The following SLC17A6 variants were observed in gnomAD, a reference collection of about 807,000 sequenced individuals.
The protein encoded by SLC17A6 is vesicular glutamate transporter 2.
A neutral mutation model predicts 67.1 loss-of-function variants in SLC17A6; 35 were observed. The ratio of observed to expected loss-of-function variants is 0.52; its 90% confidence interval spans 0.40 to 0.69. The LOEUF (loss-of-function observed/expected upper bound fraction) is 0.69. SLC17A6 is among the 30% of genes least tolerant of loss of function. The probability of loss-of-function intolerance (pLI) is 0.00; values close to 1 mark genes in which losing one functional copy is unlikely to be tolerated. For missense variants in SLC17A6, 588 were observed against 723.9 expected, an observed-to-expected ratio of 0.81 and a Z score of 2.15; for synonymous variants, 285 against 252.3, an observed-to-expected ratio of 1.13 and a Z score of -1.23.
intron 1 of SLC17A6, among the ~76,000 whole-genome samples, chr11:22,339,930 T>C (rs1855795154): frequency 6.6e-6 from 1 of 152,012 alleles, no homozygotes; most frequent in Non-Finnish European, 1.5e-5. Flanking sequence ...CCGCATTGGC[T>C]GAATTTTTTT....
chr11:22,343,174 T>TTG, intron 2 of SLC17A6, 73 bp from the exon 3 acceptor site: 1 of 1,273,340 alleles, frequency 7.9e-7, no homozygotes. Flanking sequence ...TTTTGGCTTG[T>TTG]GAACCACTGA....
chr11:22,339,578 A>G (rs1855789077), intron 1 of SLC17A6, among the ~76,000 whole-genome samples: 1 of 152,214 alleles, frequency 6.6e-6, no homozygotes, highest in Non-Finnish European at 1.5e-5. Context: ...GCTTTTCTTA[A>G]TAATTAGAGC....
chr11:22,350,831 CTA>C (rs1016334793), intron 3 of SLC17A6, among the ~76,000 whole-genome samples: 1 of 152,100 alleles, frequency 6.6e-6, no homozygotes, highest in Non-Finnish European at 1.5e-5. Flanking sequence ...TCAATTTCAG[CTA>C]TATATATATG....
chr11:22,372,525 G>A (rs965273284), intron 8 of SLC17A6, among the ~76,000 whole-genome samples: 22 of 151,978 alleles, frequency 1.4e-4, no homozygotes, highest in African/African-American at 5.3e-4. Context: ...ATAGGGGCAA[G>A]CCAAATGAGA....
At chr11:22,363,445 CT>C (rs1367746918) in intron 6 of SLC17A6, among the ~76,000 whole-genome samples, 6 of 152,128 alleles carry the variant, frequency 3.9e-5, no homozygotes, top group Admixed American at 3.9e-4. Flanking sequence ...TACAGTCTTT[CT>C]TTCTAAGAGG....
chr11:22,364,745 G>A (rs1359469499), intron 6 of SLC17A6, among the ~76,000 whole-genome samples: 1 of 152,076 alleles, frequency 6.6e-6, no homozygotes, highest in Non-Finnish European at 1.5e-5. Context: ...CAACTGCTGG[G>A]AAATTAGAAT....
In SLC17A6 at chr11:22,338,468, C is replaced by A; in HGVS notation, c.-66C>A. 1 of 1,164,718 alleles carries A rather than the reference C, an allele frequency of 8.6e-7. No individual in the cohort carries two copies. Among genetic ancestry groups the A allele is most frequent in the Non-Finnish European group, 1.3e-6 (1 of 779,426 alleles). The allele number at this position is 1,164,718 out of a possible 1,614,324, so 72.1% of individuals were successfully genotyped here. On this transcript the variant is annotated 5_prime_UTR_variant, in exon 1 of 12. Coordinates refer to ENST00000263160, the MANE Select transcript of SLC17A6 (RefSeq NM_020346.3). ...CTTTAAGAGATTAAGACAATATGCGCAATCCTCGCCTTTCCTAGCAATCAC... is the reference window on the plus strand; with the variant it reads ...CTTTAAGAGATTAAGACAATATGCGAAATCCTCGCCTTTCCTAGCAATCAC...
chr11:22,340,831 G>A (rs1284728729), intron 1 of SLC17A6, among the ~76,000 whole-genome samples: 5 of 152,172 alleles, frequency 3.3e-5, no homozygotes, highest in Admixed American at 1.3e-4. Context: ...CGGGATGAAG[G>A]GGAAGGAGAG....
chr11:22,377,133 A>G (rs1856240400), intron 11 of SLC17A6, among the ~76,000 whole-genome samples: 1 of 152,234 alleles, frequency 6.6e-6, no homozygotes, highest in Non-Finnish European at 1.5e-5. Context: ...AAGTAAATCA[A>G]TGGAAAAAAA....
chr11:22,366,494 CATT>C (rs1564985102), intron 7 of SLC17A6, among the ~76,000 whole-genome samples: 1 of 151,916 alleles, frequency 6.6e-6, no homozygotes, highest in Non-Finnish European at 1.5e-5. Context: ...GATAAAATAT[CATT>C]ATCTTTCAGG....
At chr11:22,365,913 C>T (rs547450624) in intron 7 of SLC17A6, among the ~76,000 whole-genome samples, 46 of 152,098 alleles carry the variant, frequency 3.0e-4, no homozygotes, top group African/African-American at 1.1e-3. Flanking sequence ...TAAAAATGTA[C>T]ACTGGGTGAT....
At chr11:22,359,746 T>C (rs1355676332) in intron 4 of SLC17A6, among the ~76,000 whole-genome samples, 1 of 152,148 alleles carries the variant, frequency 6.6e-6, no homozygotes, top group East Asian at 1.9e-4. Flanking sequence ...CTCTCTAGAA[T>C]TGAGTGGGAT....
intron 4 of SLC17A6, among the ~76,000 whole-genome samples, chr11:22,360,403 A>G (rs550074091): frequency 6.6e-6 from 1 of 151,962 alleles, no homozygotes; most frequent in South Asian, 2.1e-4. Flanking sequence ...ATGGGTTGAT[A>G]GGTCCAGTAA....
chr11:22,366,357 T>C (rs796989045), intron 7 of SLC17A6, among the ~76,000 whole-genome samples: 11 of 152,278 alleles, frequency 7.2e-5, no homozygotes, highest in African/African-American at 2.6e-4. Context: ...AGGACTACTA[T>C]ATTCTAAATG....
At position 22,370,158 on chromosome 11, in the gene SLC17A6, T is replaced by G. The variant is rs1292196110; in HGVS notation, c.1011T>G (p.Phe337Leu). The change falls in exon 8 of 12, where the codon TTT becomes TTG. Residue 337 changes from phenylalanine (F) to leucine (L), a missense_variant. Physicochemically the swap from Phe to Leu is conservative, Grantham distance 22 (BLOSUM62 0). Transcript: ENST00000263160. ...TGCTTATTAGTCAGCCAGCATATTT[T>G]GAGGAAGTCTTTGGATTTGAAATTA... ...YLLLISQPAY[F>L]EEVFGFEISK... 1 of 1,609,088 alleles carries G rather than the reference T, an allele frequency of 6.2e-7. No individual in the cohort carries two copies. The highest frequency in any genetic ancestry group is 8.5e-7 in the Non-Finnish European group (1 of 1,178,340).
At chr11:22,344,370 C>T (rs1353058745) in intron 3 of SLC17A6, among the ~76,000 whole-genome samples, 3 of 152,192 alleles carry the variant, frequency 2.0e-5, no homozygotes, top group Non-Finnish European at 2.9e-5. Context: ...GTAACCTGGG[C>T]ACACCTCATC....
intron 3 of SLC17A6, among the ~76,000 whole-genome samples, chr11:22,354,243 G>C (rs543143432): frequency 1.6e-4 from 24 of 151,948 alleles, no homozygotes; most frequent in African/African-American, 5.3e-4. Context: ...ACCGCCACAC[G>C]CAGCTAATTT....
intron 3 of SLC17A6, among the ~76,000 whole-genome samples, chr11:22,344,932 G>A (rs552897286): frequency 6.6e-6 from 1 of 151,700 alleles, no homozygotes; most frequent in African/African-American, 2.4e-5. Flanking sequence ...AAAGTTTTCA[G>A]AAAGATACCC....
At chr11:22,373,596 A>T (rs1034551816) in intron 8 of SLC17A6, among the ~76,000 whole-genome samples, 1 of 152,060 alleles carries the variant, frequency 6.6e-6, no homozygotes, top group Non-Finnish European at 1.5e-5. Context: ...TTTCCTTCTC[A>T]TGGCAGTGGT....
Sources: gnomAD v4.1 joint callset for allele counts (sites outside exome capture counted in the v4.1 genomes callset) on GRCh38, gnomAD v4.1.1 for gene constraint, MANE v1.5 for transcripts, NCBI Gene and HGNC (gene_info 2026-07-23, HGNC 2026-07-21) for gene names.